The following LHCGR variants were observed in gnomAD, a reference collection of about 807,000 sequenced individuals.
LHCGR encodes lutropin-choriogonadotropic hormone receptor.
A neutral mutation model predicts 60.7 loss-of-function variants in LHCGR; 55 were observed. The observed-to-expected ratio is 0.91, with a 90% CI of 0.73 to 1.13. The LOEUF (loss-of-function observed/expected upper bound fraction) is 1.13. LHCGR is among the 50% of genes most tolerant of loss of function. LHCGR has a pLI of 0.00. For synonymous variants in LHCGR, 337 were observed against 316.5 expected, an observed-to-expected ratio of 1.06 and a Z score of -0.69; for missense variants, 862 against 836.0, an observed-to-expected ratio of 1.03 and a Z score of -0.38.
intron 8 of LHCGR, among the ~76,000 whole-genome samples, chr2:48,705,073 G>T (rs192661615): frequency 1.2e-3 from 180 of 152,302 alleles, no homozygotes; most frequent in Admixed American, 2.2e-3. Context: ...GTGTCCCAGA[G>T]ATTCTGGTAC....
chr2:48,723,558 T>C, intron 5 of LHCGR, 25 bp from the exon 6 acceptor site: 1 of 1,607,514 alleles, frequency 6.2e-7, no homozygotes, highest in East Asian at 2.2e-5. Flanking sequence ...TGAGAAATAT[T>C]TACTTTCTAA....
intron 8 of LHCGR, 112 bp downstream of exon 8, chr2:48,708,836 G>A (rs1667832908): frequency 2.4e-6 from 2 of 845,390 alleles, no homozygotes; most frequent in Admixed American, 1.7e-5. Context: ...GCCTTTTCAG[G>A]TGTAGAGGCT....
chr2:48,751,218 A>C (rs1213866283), intron 1 of LHCGR, among the ~76,000 whole-genome samples: 1 of 151,704 alleles, frequency 6.6e-6, no homozygotes, highest in Admixed American at 6.6e-5. Flanking sequence ...AATGGCTTTA[A>C]TTGAAAGCTT....
chr2:48,693,373 ACT>A (rs990884793), intron 10 of LHCGR, among the ~76,000 whole-genome samples: 5 of 152,280 alleles, frequency 3.3e-5, no homozygotes, highest in Admixed American at 3.3e-4. Context: ...TGCCAGCGAT[ACT>A]CTGTTACAGG....
At chr2:48,700,632 C>G (rs2104397327) in intron 8 of LHCGR, among the ~76,000 whole-genome samples, 1 of 152,318 alleles carries the variant, frequency 6.6e-6, no homozygotes, top group African/African-American at 2.4e-5. Flanking sequence ...AGATGGCCAG[C>G]TTGCTGTAAC....
intron 1 of LHCGR, among the ~76,000 whole-genome samples, chr2:48,748,714 T>C (rs191966148): frequency 6.6e-6 from 1 of 152,310 alleles, no homozygotes; most frequent in African/African-American, 2.4e-5. Context: ...CTTGTAGCTA[T>C]GTGAAAACTT....
chr2:48,743,064 C>A (rs1433107287), intron 1 of LHCGR, among the ~76,000 whole-genome samples: 3 of 152,172 alleles, frequency 2.0e-5, no homozygotes, highest in Non-Finnish European at 4.4e-5. Flanking sequence ...ACTACAAACA[C>A]CTCTATGCAA....
chr2:48,704,539 G>A (rs1433172588), intron 8 of LHCGR, among the ~76,000 whole-genome samples: 3 of 152,112 alleles, frequency 2.0e-5, no homozygotes, highest in Admixed American at 1.3e-4. Context: ...TTGGTTGGTA[G>A]GCTATTAACT....
intron 7 of LHCGR, 88 bp downstream of exon 7, chr2:48,713,898 A>T (rs113421884): frequency 1.9e-6 from 2 of 1,044,282 alleles, no homozygotes; most frequent in African/African-American, 1.6e-5. Flanking sequence ...TTTTGCCCTG[A>T]GTTAGTTGCT....
At chr2:48,750,627 C>G (rs548616681) in intron 1 of LHCGR, among the ~76,000 whole-genome samples, 4 of 152,192 alleles carry the variant, frequency 2.6e-5, no homozygotes, top group Admixed American at 6.5e-5. Context: ...CTGATGTAGA[C>G]ATGCTTCTTT....
chr2:48,747,303 G>T (rs567753526), intron 1 of LHCGR, among the ~76,000 whole-genome samples: 1 of 152,180 alleles, frequency 6.6e-6, no homozygotes, highest in Admixed American at 6.5e-5. Flanking sequence ...TGTTGGCCAG[G>T]CTGGTCTCAA....
intron 8 of LHCGR, among the ~76,000 whole-genome samples, chr2:48,699,290 C>G (rs149226639): frequency 1.9e-3 from 285 of 151,964 alleles, no homozygotes; most frequent in African/African-American, 6.6e-3. Context: ...TTCTCATGTG[C>G]GCCTCATTAT....
At chr2:48,706,611 T>C (rs945382453) in intron 8 of LHCGR, among the ~76,000 whole-genome samples, 1 of 152,238 alleles carries the variant, frequency 6.6e-6, no homozygotes, top group African/African-American at 2.4e-5. Context: ...TTCTCTAATC[T>C]TGTCTTCTTG....
chr2:48,716,726 C>T (rs908956352), intron 6 of LHCGR, among the ~76,000 whole-genome samples: 2 of 152,290 alleles, frequency 1.3e-5, no homozygotes, highest in East Asian at 3.9e-4. Flanking sequence ...CTTTGGCAGT[C>T]TCCTGTCATT....
chr2:48,724,788 T>A (rs920155618), intron 4 of LHCGR, among the ~76,000 whole-genome samples: 3 of 152,104 alleles, frequency 2.0e-5, no homozygotes, highest in Non-Finnish European at 4.4e-5. Context: ...AGTTTGGAAT[T>A]GTTCAGTGTT....
rs79089833 is a variant in LHCGR, at chr2:48,746,213, G to A, written c.161+9298C>T. Among the ~76,000 whole-genome samples the A allele has an allele frequency of 6.7e-3, 1,027 of 152,320 alleles. 14 individuals carry two copies. Among genetic ancestry groups the A allele is most frequent in the African/African-American group, 0.024 (993 of 41,564 alleles). On this transcript the variant is annotated intron_variant, in intron 1 of 10. Coordinates refer to ENST00000294954, the MANE Select transcript of LHCGR (RefSeq NM_000233.4). ...TCTATTTCCTTGGCAGGGGGTAGGG[G>A]TGGATAGGTTCCATACTTAGGAATT...
At chr2:48,706,983 G>C (rs1216797649) in intron 8 of LHCGR, among the ~76,000 whole-genome samples, 3 of 152,118 alleles carry the variant, frequency 2.0e-5, no homozygotes, top group Non-Finnish European at 2.9e-5. Flanking sequence ...TCTGGTTTTT[G>C]GAATTTTCAG....
At chr2:48,705,511 T>A (rs1027735994) in intron 8 of LHCGR, among the ~76,000 whole-genome samples, 1 of 152,206 alleles carries the variant, frequency 6.6e-6, no homozygotes, top group Admixed American at 6.5e-5. Context: ...CCCATTATTA[T>A]TGTGTGGGAG....
intron 6 of LHCGR, among the ~76,000 whole-genome samples, chr2:48,715,849 A>C (rs540155449): frequency 6.6e-6 from 1 of 152,226 alleles, no homozygotes; most frequent in Non-Finnish European, 1.5e-5. Flanking sequence ...TCTCCTCGTT[A>C]GAGTCAGTTC....
Sources: allele counts gnomAD v4.1 joint callset (sites outside exome capture counted in the v4.1 genomes callset), GRCh38; gene constraint gnomAD v4.1.1; transcripts MANE v1.5; gene names NCBI Gene and HGNC (gene_info 2026-07-23, HGNC 2026-07-21).